The following FAT3 variants were observed in gnomAD, a reference collection of about 807,000 sequenced individuals.
FAT3 encodes protocadherin Fat 3.
Under a neutral mutation model 310.2 loss-of-function variants are expected in FAT3, and 95 were observed. The observed-to-expected ratio is 0.31, with a 90% CI of 0.26 to 0.36. The LOEUF is 0.36. Ranked by LOEUF, FAT3 falls within the 10% of genes least tolerant of loss-of-function variation. The pLI is 1.00. For synonymous variants in FAT3, 2,314 were observed against 2,192.9 expected (o/e 1.06, Z -1.54); for missense variants, 5,408 against 5,715.6 (o/e 0.95, Z 1.74).
intron 3 of FAT3, among the ~76,000 whole-genome samples, chr11:92,604,368 T>C (rs559521968): frequency 6.6e-6 from 1 of 152,314 alleles, no homozygotes; most frequent in South Asian, 2.1e-4. Context: ...TAGTCCTTAC[T>C]TCCTTCTACG....
chr11:92,637,293 G>T (rs931661507), intron 3 of FAT3, among the ~76,000 whole-genome samples: 2 of 152,128 alleles, frequency 1.3e-5, no homozygotes, highest in African/African-American at 4.8e-5. Context: ...TCTTCTCAGA[G>T]CCCCAGATGT....
intron 2 of FAT3, among the ~76,000 whole-genome samples, chr11:92,417,777 A>G (rs1429753225): frequency 2.0e-5 from 3 of 152,216 alleles, no homozygotes; most frequent in Non-Finnish European, 4.4e-5. Context: ...AAACAAAACA[A>G]CAAAACACAT....
intron 4 of FAT3, among the ~76,000 whole-genome samples, chr11:92,749,635 G>A (rs939586053): frequency 1.4e-4 from 22 of 152,104 alleles, no homozygotes; most frequent in Middle Eastern, 3.2e-3. Flanking sequence ...AGACTATGAC[G>A]GAGGTAGGAA....
At chr11:92,605,312 G>A (rs947633696) in intron 3 of FAT3, among the ~76,000 whole-genome samples, 26 of 152,222 alleles carry the variant, frequency 1.7e-4, no homozygotes, top group African/African-American at 5.8e-4. Context: ...AGGAGGCCAT[G>A]ATGGAGCCTC....
At chr11:92,820,473 G>T (rs1947936519) in intron 13 of FAT3, among the ~76,000 whole-genome samples, 1 of 152,080 alleles carries the variant, frequency 6.6e-6, no homozygotes, top group Admixed American at 6.5e-5. Flanking sequence ...TGAATTTTGG[G>T]AGATCACAAT....
chr11:92,853,530 C>T (rs574783099), intron 19 of FAT3, among the ~76,000 whole-genome samples: 1 of 152,128 alleles, frequency 6.6e-6, no homozygotes, highest in African/African-American at 2.4e-5. Flanking sequence ...TCCCACCATT[C>T]GTCAGGTCCT....
At chr11:92,661,148 G>C (rs900439720) in intron 3 of FAT3, among the ~76,000 whole-genome samples, 2 of 152,212 alleles carry the variant, frequency 1.3e-5, no homozygotes, top group African/African-American at 2.4e-5. Context: ...GTAGCCAGTA[G>C]AGCTGGGAGG....
At chr11:92,283,398 C>A (rs948457466) in intron 1 of FAT3, among the ~76,000 whole-genome samples, 3 of 152,166 alleles carry the variant, frequency 2.0e-5, no homozygotes, top group African/African-American at 4.8e-5. Context: ...TTTTCCAACA[C>A]ATCCTGGGTG....
chr11:92,382,828 T>G (rs1293544398), intron 2 of FAT3, among the ~76,000 whole-genome samples: 1 of 152,196 alleles, frequency 6.6e-6, no homozygotes. Context: ...AAAATTTTTA[T>G]TTTCTTCAAA....
intron 2 of FAT3, chr11:92,367,099 T>G: frequency 2.2e-6 from 1 of 451,304 alleles, no homozygotes; most frequent in Non-Finnish European, 4.4e-6. Context: ...GGTGTCAAAT[T>G]CAGAGCCAGC....
At chr11:92,374,485 G>A (rs967353063) in intron 2 of FAT3, among the ~76,000 whole-genome samples, 1 of 152,110 alleles carries the variant, frequency 6.6e-6, no homozygotes, top group African/African-American at 2.4e-5. Flanking sequence ...TTGTTACCTG[G>A]TATTTTAACT....
intron 1 of FAT3, among the ~76,000 whole-genome samples, chr11:92,314,061 T>G (rs942947371): frequency 6.6e-6 from 1 of 152,222 alleles, no homozygotes; most frequent in African/African-American, 2.4e-5. Flanking sequence ...TTAGCCTGTT[T>G]TCTCCTACTG....
intron 2 of FAT3, among the ~76,000 whole-genome samples, chr11:92,494,012 G>A (rs1390552485): frequency 6.8e-6 from 1 of 147,588 alleles, no homozygotes; most frequent in East Asian, 2.0e-4. Context: ...CATGCAAATT[G>A]TGTAAGTTAT....
chr11:92,653,027 C>T (rs1249190697), intron 3 of FAT3, among the ~76,000 whole-genome samples: 1 of 152,134 alleles, frequency 6.6e-6, no homozygotes, highest in Non-Finnish European at 1.5e-5. Flanking sequence ...GGCATGGTGG[C>T]ACATGCCTGT....
chr11:92,616,314 T>G (rs925279625), intron 3 of FAT3, among the ~76,000 whole-genome samples: 6 of 152,180 alleles, frequency 3.9e-5, no homozygotes, highest in Non-Finnish European at 2.9e-5. Context: ...GCTTTTTTTT[T>G]GTTTTCCATT....
At chr11:92,507,626 A>G (rs1352892296) in intron 2 of FAT3, among the ~76,000 whole-genome samples, 1 of 151,554 alleles carries the variant, frequency 6.6e-6, no homozygotes, top group African/African-American at 2.4e-5. Context: ...CGTATAGGAA[A>G]ATTGGAGGAG....
intron 3 of FAT3, among the ~76,000 whole-genome samples, chr11:92,540,391 C>A (rs1249763795): frequency 6.6e-6 from 1 of 152,066 alleles, no homozygotes; most frequent in Non-Finnish European, 1.5e-5. Context: ...GGTGAAGTGG[C>A]CATCTCTGTA....
chr11:92,422,735 A>G (rs2134985740), intron 2 of FAT3, among the ~76,000 whole-genome samples: 1 of 152,270 alleles, frequency 6.6e-6, no homozygotes, highest in South Asian at 2.1e-4. Context: ...TAGAGCCTGG[A>G]ATGTGAACAT....
At chr11:92,500,695 A>G (rs1472909560) in intron 2 of FAT3, among the ~76,000 whole-genome samples, 1 of 152,018 alleles carries the variant, frequency 6.6e-6, no homozygotes, top group Non-Finnish European at 1.5e-5. Context: ...TAATAGTGTA[A>G]TCGGTTTTGC....
Sources: gnomAD v4.1 joint callset for allele counts (sites outside exome capture counted in the v4.1 genomes callset) on GRCh38, gnomAD v4.1.1 for gene constraint, MANE v1.5 for transcripts, NCBI Gene and HGNC (gene_info 2026-07-23, HGNC 2026-07-21) for gene names.